Variants in TRPM6 observed in about 807,000 individuals in gnomAD.
TRPM6 encodes the protein transient receptor potential cation channel subfamily M member 6, also known as channel kinase 2.
Under a neutral mutation model 247.6 loss-of-function variants are expected in TRPM6, and 111 were observed. The observed-to-expected ratio is 0.45, with a 90% CI of 0.38 to 0.52. TRPM6 has a LOEUF of 0.52. Among genes scored for constraint, TRPM6 ranks in the 20% least tolerant of loss-of-function variants. TRPM6 has a pLI of 0.00. For missense variants in TRPM6, 2,126 were observed against 2,421.5 expected (o/e 0.88, Z 2.56); for synonymous variants, 892 against 853.8 (o/e 1.04, Z -0.78).
At chr9:74,860,619 A>T (rs1347677774) in intron 1 of TRPM6, among the ~76,000 whole-genome samples, 2 of 152,142 alleles carry the variant, frequency 1.3e-5, no homozygotes, top group Non-Finnish European at 2.9e-5. Flanking sequence ...TTGGCCTCCC[A>T]AAGTGCTGGG....
chr9:74,808,832 T>G (rs1269433421), intron 13 of TRPM6, among the ~76,000 whole-genome samples: 1 of 152,220 alleles, frequency 6.6e-6, no homozygotes, highest in African/African-American at 2.4e-5. Flanking sequence ...ACATGAGGCT[T>G]ATGCAGCCAC....
rs975300541 is a variant in TRPM6, at chr9:74,884,825, G to A, written c.33+2999C>T. Among the ~76,000 whole-genome samples the A allele has an allele frequency of 2.0e-5, 3 of 152,290 alleles. 1 individual carries two copies. In the East Asian group the frequency reaches 5.8e-4, roughly 29 times the overall value. ...TACCTTTTCTTAGAAAGCTACTGGA[G>A]AATGTGCTCCATCAAAATGATAGAA... is the stretch of plus-strand genomic sequence containing the variant. On this transcript the variant is annotated intron_variant, in intron 1 of 38. Transcript: ENST00000360774.
At chr9:74,872,515 C>T (rs1036480365) in intron 1 of TRPM6, among the ~76,000 whole-genome samples, 3 of 152,010 alleles carry the variant, frequency 2.0e-5, no homozygotes, top group African/African-American at 4.8e-5. Flanking sequence ...CTGCAACCTC[C>T]GCCTCGCAAT....
At chr9:74,851,557 G>A (rs1289443118) in intron 3 of TRPM6, among the ~76,000 whole-genome samples, 4 of 151,626 alleles carry the variant, frequency 2.6e-5, no homozygotes, top group Non-Finnish European at 5.9e-5. Context: ...AAATCACACT[G>A]ACCAACATGG....
intron 3 of TRPM6, among the ~76,000 whole-genome samples, chr9:74,843,850 T>C (rs2118220084): frequency 6.6e-6 from 1 of 150,842 alleles, no homozygotes; most frequent in East Asian, 1.9e-4. Context: ...AAATTTAAAG[T>C]TATTTCTTGA....
At position 74,724,443 on chromosome 9, in the gene TRPM6, G is replaced by A; in HGVS notation, c.*170C>T. On this transcript the variant is annotated 3_prime_UTR_variant, in exon 39 of 39. Coordinates refer to ENST00000360774, the MANE Select transcript of TRPM6 (RefSeq NM_017662.5). Reference sequence around the variant, plus strand: ...CCTGGACAGAGGTCAGTGTCTAGGAGAACCCATTGATCATATACCAATGAG... The same window carrying A: ...CCTGGACAGAGGTCAGTGTCTAGGAAAACCCATTGATCATATACCAATGAG... The A allele has an allele frequency of 1.1e-6, 1 of 905,074 alleles. No homozygotes were observed. The highest frequency in any genetic ancestry group is 1.7e-6 in the Non-Finnish European group (1 of 573,948). The allele number at this position is 905,074 out of a possible 1,614,324, so 56.1% of individuals were successfully genotyped here. A position where few individuals can be genotyped will look rare whatever the true frequency, so the allele number is the denominator to read the frequency against.
chr9:74,877,274 T>C (rs1831222954), intron 1 of TRPM6, among the ~76,000 whole-genome samples: 1 of 152,162 alleles, frequency 6.6e-6, no homozygotes, highest in Admixed American at 6.5e-5. Flanking sequence ...TATACAAATG[T>C]TCATACCAGC....
At chr9:74,774,838 GA>G (rs1258483460) in intron 24 of TRPM6, among the ~76,000 whole-genome samples, 2 of 152,170 alleles carry the variant, frequency 1.3e-5, no homozygotes, top group Non-Finnish European at 2.9e-5. Flanking sequence ...AAGAAATAAA[GA>G]GAATAAATGG....
intron 5 of TRPM6, among the ~76,000 whole-genome samples, chr9:74,837,741 C>CG (rs1564039377): frequency 8.0e-6 from 1 of 125,148 alleles, no homozygotes; most frequent in Admixed American, 9.6e-5. Flanking sequence ...CCACCACGCC[C>CG]GGCCCCCTTT....
Position 74,827,758 on chromosome 9 carries a change from T to C in TRPM6, c.841+20A>G. ...CAGGCCTGCAACCAGACTGGGTGAC[T>C]GAGCCCCTGTGATACTCACGGCAGT... On this transcript the variant is annotated intron_variant, in intron 7 of 38. Transcript: ENST00000360774. 6.2e-7 allele frequency: 1 copy of C among 1,613,770 alleles called. No homozygotes were observed. The highest frequency in any genetic ancestry group is 8.5e-7 in the Non-Finnish European group (1 of 1,179,714).
At chr9:74,757,194 AAC>A (rs1387380326) in intron 27 of TRPM6, among the ~76,000 whole-genome samples, 42 of 149,846 alleles carry the variant, frequency 2.8e-4, no homozygotes, top group African/African-American at 9.1e-4. Flanking sequence ...CAAACTAACT[AAC>A]AAAAAAAAAC....
At chr9:74,796,023 G>A (rs3858116) in intron 18 of TRPM6, among the ~76,000 whole-genome samples, 72,666 of 151,960 alleles carry the variant, frequency 0.48, 20,478 homozygotes, top group African/African-American at 0.8. Flanking sequence ...GCCACAATAC[G>A]TAATGCAAAT....
In TRPM6 at chr9:74,801,882, AAG is replaced by A; in HGVS notation, c.2009+14_2009+15del. On this transcript the variant is annotated intron_variant, in intron 16 of 38. Transcript: ENST00000360774. Reference sequence around the variant, plus strand: ...AAGTGTTGATGTTTAGTATGAAGTGAAGAGAGAACACTTACTTTGAGTAATTC... The same window carrying A: ...AAGTGTTGATGTTTAGTATGAAGTGAAGAGAACACTTACTTTGAGTAATTC... 6.8e-6 allele frequency: 11 copies of A among 1,613,854 alleles called. No homozygotes were observed. The highest frequency in any genetic ancestry group is 9.3e-6 in the Non-Finnish European group (11 of 1,179,952).
At chr9:74,880,717 C>T (rs770778579) in intron 1 of TRPM6, among the ~76,000 whole-genome samples, 12 of 152,084 alleles carry the variant, frequency 7.9e-5, no homozygotes, top group Non-Finnish European at 1.3e-4. Flanking sequence ...AGCAAAAAGA[C>T]AGTATCTACC....
intron 7 of TRPM6, among the ~76,000 whole-genome samples, chr9:74,823,316 C>T (rs902316767): frequency 1.3e-5 from 2 of 152,126 alleles, no homozygotes; most frequent in Admixed American, 6.5e-5. Context: ...CTAAGTACTT[C>T]CAAAAATCCA....
chr9:74,733,220 C>T (rs562307385), intron 36 of TRPM6, among the ~76,000 whole-genome samples: 50 of 150,240 alleles, frequency 3.3e-4, no homozygotes, highest in Admixed American at 6.6e-4. Flanking sequence ...AAAAAAAGCA[C>T]GTAAAAAAAA....
At chr9:74,835,153 G>A (rs1001538586) in intron 5 of TRPM6, among the ~76,000 whole-genome samples, 1 of 152,136 alleles carries the variant, frequency 6.6e-6, no homozygotes, top group African/African-American at 2.4e-5. Flanking sequence ...GTATCTCATT[G>A]TGGTTTTGAT....
intron 1 of TRPM6, among the ~76,000 whole-genome samples, chr9:74,874,223 G>A (rs1831119620): frequency 7.0e-6 from 1 of 143,392 alleles, no homozygotes; most frequent in African/African-American, 2.6e-5. Flanking sequence ...GTGACAGAGT[G>A]AGAATCTGTC....
intron 36 of TRPM6, among the ~76,000 whole-genome samples, chr9:74,734,729 A>G (rs897274053): frequency 6.6e-6 from 1 of 152,152 alleles, no homozygotes; most frequent in Non-Finnish European, 1.5e-5. Flanking sequence ...TAGTAAAATC[A>G]TGTTTCTGAT....
Sources: allele counts gnomAD v4.1 joint callset (sites outside exome capture counted in the v4.1 genomes callset), GRCh38; gene constraint gnomAD v4.1.1; transcripts MANE v1.5; gene names NCBI Gene and HGNC (gene_info 2026-07-23, HGNC 2026-07-21).